Variants in POT1 observed in about 807,000 individuals in gnomAD.
POT1 encodes protection of telomeres protein 1.
A neutral mutation model predicts 78.5 loss-of-function variants in POT1; 47 were observed. The ratio of observed to expected loss-of-function variants is 0.60; its 90% CI spans 0.47 to 0.76. The LOEUF is 0.76. POT1 is among the 30% of genes least tolerant of loss of function. POT1 has a pLI of 0.00. For synonymous variants in POT1, 259 were observed against 260.7 expected (o/e 0.99, Z 0.06); for missense variants, 646 against 749.9 (o/e 0.86, Z 1.62).
chr7:124,860,941 C>T (rs1013568475), intron 8 of POT1, among the ~76,000 whole-genome samples: 1 of 152,112 alleles, frequency 6.6e-6, no homozygotes, highest in Non-Finnish European at 1.5e-5. Context: ...ATGAACTTAT[C>T]CTTTCTTTGG....
intron 3 of POT1, among the ~76,000 whole-genome samples, chr7:124,913,429 CTT>C: frequency 6.6e-6 from 1 of 152,142 alleles, no homozygotes; most frequent in Non-Finnish European, 1.5e-5. Context: ...TATACACTGT[CTT>C]TTCATGTTCA....
chr7:124,863,789 G>A (rs1795657827), intron 7 of POT1, 149 bp from the exon 8 acceptor site: 2 of 636,908 alleles, frequency 3.1e-6, no homozygotes, highest in African/African-American at 3.7e-5. Flanking sequence ...CATTTAATTA[G>A]CATGTAAATT....
At chr7:124,894,352 C>T (rs1335670416) in intron 5 of POT1, among the ~76,000 whole-genome samples, 1 of 151,368 alleles carries the variant, frequency 6.6e-6, no homozygotes, top group Non-Finnish European at 1.5e-5. Flanking sequence ...ATGTGCTTAG[C>T]TTACACTCAA....
intron 12 of POT1, among the ~76,000 whole-genome samples, chr7:124,844,595 T>G (rs550717237): frequency 6.7e-6 from 1 of 150,178 alleles, no homozygotes; most frequent in African/African-American, 2.4e-5. Flanking sequence ...AATTAGCCGG[T>G]GTGGTGGCGG....
chr7:124,892,737 T>G (rs1796401970), intron 5 of POT1: 1 of 154,222 alleles, frequency 6.5e-6, no homozygotes, highest in Non-Finnish European at 1.4e-5. Flanking sequence ...ATTAGGCAAT[T>G]TAATGCATTT....
chr7:124,864,258 T>C (rs1795668784), intron 7 of POT1, among the ~76,000 whole-genome samples: 1 of 152,194 alleles, frequency 6.6e-6, no homozygotes. Context: ...ATTTCCCTTA[T>C]GTTTACTTTG....
At chr7:124,829,207 C>A in intron 16 of POT1, 47 bp downstream of exon 16, 1 of 1,302,540 alleles carries the variant, frequency 7.7e-7, no homozygotes. Context: ...GTGAAATAAC[C>A]TTGTAAACAA....
chr7:124,915,422 A>G (rs1228666800), intron 3 of POT1, among the ~76,000 whole-genome samples, 152 bp downstream of exon 3: 1 of 152,208 alleles, frequency 6.6e-6, no homozygotes, highest in African/African-American at 2.4e-5. Flanking sequence ...TAAGTCACAT[A>G]AGTGAAACTA....
chr7:124,827,360 G>A, intron 16 of POT1, 55 bp from the exon 17 acceptor site: 1 of 1,035,794 alleles, frequency 9.7e-7, no homozygotes, highest in Non-Finnish European at 1.4e-6. Context: ...TTATTATCAA[G>A]GTAAAGTTAA....
intron 13 of POT1, 60 bp downstream of exon 13, chr7:124,842,747 A>T: frequency 7.7e-7 from 1 of 1,304,464 alleles, no homozygotes; most frequent in South Asian, 1.5e-5. Context: ...AATTATACAT[A>T]TGTGTACATA....
chr7:124,926,331 A>G lies in POT1; in HGVS notation c.-227+2484T>C, dbSNP rs144090382. ...TAAACAAATAGCCAACAAGCACATG[A>G]TAAAATGTTCAATATAACTAATCAT... On this transcript the variant is annotated intron_variant, in intron 2 of 18. Coordinates refer to ENST00000357628, the MANE Select transcript of POT1 (RefSeq NM_015450.3). Among the ~76,000 whole-genome samples the G allele has an allele frequency of 4.9e-4, 75 of 152,322 alleles. 1 individual carries two copies. In the East Asian group the frequency reaches 0.012, roughly 24 times the overall value.
At chr7:124,884,547 T>C (rs1298770182) in intron 6 of POT1, among the ~76,000 whole-genome samples, 1 of 151,938 alleles carries the variant, frequency 6.6e-6, no homozygotes, top group African/African-American at 2.4e-5. Context: ...TGAGGTAAGG[T>C]AGTGAGCCCA....
chr7:124,878,471 T>C (rs1276623690), intron 6 of POT1, among the ~76,000 whole-genome samples: 2 of 152,208 alleles, frequency 1.3e-5, no homozygotes, highest in Non-Finnish European at 2.9e-5. Context: ...AAATTGCAAA[T>C]AGATTTTAAA....
In POT1 at chr7:124,823,248, A is replaced by C. The variant is rs1218230659; in HGVS notation, c.*714T>G. 6.6e-6 allele frequency: 1 copy of C among 152,118 alleles called. No individual in the cohort carries two copies. The highest frequency in any genetic ancestry group is 1.5e-5 in the Non-Finnish European group (1 of 67,976). 9.4% of individuals were successfully genotyped at this position (152,118 alleles called of 1,614,324 possible). On this transcript the variant is annotated 3_prime_UTR_variant, in exon 19 of 19. Transcript: ENST00000357628. ...CAGCTCAACTTAGGGCAAATAAATG[A>C]AACAGTTGAAATGTGTGCACTTATT... is the stretch of plus-strand genomic sequence containing the variant.
At chr7:124,857,512 A>C (rs191479667) in intron 9 of POT1, among the ~76,000 whole-genome samples, 9 of 152,312 alleles carry the variant, frequency 5.9e-5, no homozygotes, top group Non-Finnish European at 1.0e-4. Context: ...TGTGCCCATA[A>C]AAACCCCAGG....
intron 6 of POT1, among the ~76,000 whole-genome samples, chr7:124,873,788 A>C (rs1795926099): frequency 6.6e-6 from 1 of 152,172 alleles, no homozygotes; most frequent in Admixed American, 6.5e-5. Context: ...AGAGATTGAA[A>C]GGAACAAACC....
chr7:124,868,787 T>G (rs1795794121), intron 7 of POT1, among the ~76,000 whole-genome samples: 1 of 150,354 alleles, frequency 6.7e-6, no homozygotes, highest in South Asian at 2.1e-4. Context: ...ATATATTATA[T>G]TCAATAATAA....
chr7:124,903,922 A>C (rs1260830066), intron 3 of POT1, among the ~76,000 whole-genome samples: 1 of 152,244 alleles, frequency 6.6e-6, no homozygotes, highest in East Asian at 1.9e-4. Flanking sequence ...CTCTAGAAGA[A>C]ATGGATAAAT....
intron 2 of POT1, among the ~76,000 whole-genome samples, chr7:124,917,848 T>A (rs918316347): frequency 6.6e-5 from 10 of 152,146 alleles, no homozygotes; most frequent in African/African-American, 2.4e-4. Context: ...AAGACACTCC[T>A]AGCACCTGCG....
Sources: gnomAD v4.1 joint callset for allele counts (sites outside exome capture counted in the v4.1 genomes callset) on GRCh38, gnomAD v4.1.1 for gene constraint, MANE v1.5 for transcripts, NCBI Gene and HGNC (gene_info 2026-07-23, HGNC 2026-07-21) for gene names.